Variants in CP observed in about 807,000 individuals in gnomAD.
The protein encoded by CP is caeruloplasmin.
CP carries 64 observed loss-of-function variants against 122.4 expected under a neutral mutation model. That is an observed-to-expected ratio of 0.52 (90% CI 0.43 to 0.64). CP has a LOEUF of 0.64. Ranked by LOEUF, CP falls within the 30% of genes least tolerant of loss-of-function variation. The pLI, the probability that CP is intolerant of heterozygous loss-of-function variation, is 0.00. For missense variants in CP, 1,167 were observed against 1,284.4 expected (o/e 0.91, Z 1.40); for synonymous variants, 440 against 436.4 (o/e 1.01, Z -0.10).
intron 14 of CP, among the ~76,000 whole-genome samples, chr3:149,181,005 C>T (rs953953817): frequency 1.3e-5 from 2 of 151,356 alleles, no homozygotes; most frequent in Non-Finnish European, 2.9e-5. Flanking sequence ...TTCCAAATCT[C>T]GATGATGATG....
intron 1 of CP, among the ~76,000 whole-genome samples, chr3:149,216,883 G>T (rs1435893873): frequency 6.6e-6 from 1 of 150,760 alleles, no homozygotes; most frequent in African/African-American, 2.4e-5. Context: ...GAAGTGTACT[G>T]CACTAGCTAT....
chr3:149,219,816 G>A (rs1728694236), intron 1 of CP, among the ~76,000 whole-genome samples: 1 of 152,008 alleles, frequency 6.6e-6, no homozygotes, highest in South Asian at 2.1e-4. Context: ...ATAGCAAGAT[G>A]TGGGAAAGTT....
chr3:149,217,171 T>C (rs1371803862), intron 1 of CP, among the ~76,000 whole-genome samples: 1 of 152,174 alleles, frequency 6.6e-6, no homozygotes, highest in East Asian at 1.9e-4. Context: ...AGTGCTGGGA[T>C]TACAGGTGTG....
intron 5 of CP, among the ~76,000 whole-genome samples, chr3:149,164,422 G>A (rs1295852238): frequency 6.6e-6 from 1 of 152,174 alleles, no homozygotes; most frequent in African/African-American, 2.4e-5. Flanking sequence ...AAATGAGGGG[G>A]ATGATTAGAG....
At chr3:149,170,410 G>A (rs1724857838), downstream of CP, 1 of 152,208 alleles carries the variant, frequency 6.6e-6, no homozygotes, top group South Asian at 2.1e-4. Context: ...TTGCAAGCTA[G>A]TTAGTAGTTG....
chr3:149,188,425 C>T (rs752925522), intron 9 of CP, among the ~76,000 whole-genome samples: 1 of 137,134 alleles, frequency 7.3e-6, no homozygotes, highest in Non-Finnish European at 1.5e-5. Flanking sequence ...ATCTGAGTCT[C>T]TCTCTGCATC....
intron 4 of CP, among the ~76,000 whole-genome samples, chr3:149,166,682 G>A (rs887067747): frequency 3.9e-5 from 6 of 152,022 alleles, no homozygotes; most frequent in Admixed American, 3.9e-4. Context: ...GAATACTCTT[G>A]CGGTGAACAT....
downstream of CP, chr3:149,171,956 C>T (rs1239692047): frequency 2.9e-5 from 19 of 663,932 alleles, no homozygotes; most frequent in Admixed American, 8.8e-5. Flanking sequence ...CTGCCCACCT[C>T]GGCCTCCCAA....
intron 1 of CP, among the ~76,000 whole-genome samples, 157 bp downstream of exon 1, chr3:149,221,490 G>A (rs1379716079): frequency 6.6e-6 from 1 of 152,038 alleles, no homozygotes; most frequent in African/African-American, 2.4e-5. Context: ...AAAATATACA[G>A]GAATATAAAG....
intron 2 of CP, among the ~76,000 whole-genome samples, chr3:149,210,953 A>G (rs1420757060): frequency 2.0e-5 from 3 of 152,202 alleles, no homozygotes; most frequent in African/African-American, 7.2e-5. Flanking sequence ...TTCCATTCAT[A>G]AATACTTGAG....
At chr3:149,166,066 T>A (rs1216154357) in intron 4 of CP, 11 of 454,526 alleles carry the variant, frequency 2.4e-5, no homozygotes, top group Non-Finnish European at 4.9e-5. Flanking sequence ...GCAAAAAGGG[T>A]ACAGGGACAA....
chr3:149,185,864 T>A lies in CP; in HGVS notation c.2078-418A>T, dbSNP rs180713698. Among the ~76,000 whole-genome samples the A allele has an allele frequency of 4.2e-4, 64 of 152,342 alleles. 1 individual carries two copies. The East Asian group carries it at 7.3e-3, about 17-fold the overall frequency. On this transcript the variant is annotated intron_variant, in intron 11 of 18. Transcript: ENST00000264613. The stretch of plus-strand genomic sequence containing the variant: ...TGTTGTCTGTCTCCCTGCATTAGAA[T>A]TTCAGCAGCATGAGACATCTTATCT...
chr3:149,207,942 TA>T (rs1374315144), intron 4 of CP, among the ~76,000 whole-genome samples: 1 of 152,194 alleles, frequency 6.6e-6, no homozygotes, highest in African/African-American at 2.4e-5. Flanking sequence ...TACATACATA[TA>T]AACAAAACAC....
intron 2 of CP, 113 bp downstream of exon 2, chr3:149,212,338 A>G (rs1374598573): frequency 5.4e-6 from 6 of 1,109,302 alleles, no homozygotes; most frequent in African/African-American, 3.2e-5. Flanking sequence ...AATAGTTAAG[A>G]GCTGAATGGC....
chr3:149,163,627 T>C (rs1207432249), intron 5 of CP, among the ~76,000 whole-genome samples: 2 of 152,214 alleles, frequency 1.3e-5, no homozygotes, highest in African/African-American at 4.8e-5. Context: ...GTATTTACAT[T>C]TTAAAATATA....
At chr3:149,205,849 G>A (rs1285787560) in intron 6 of CP, among the ~76,000 whole-genome samples, 1 of 152,178 alleles carries the variant, frequency 6.6e-6, no homozygotes, top group East Asian at 1.9e-4. Flanking sequence ...TAGTGTAACT[G>A]TACTTAATGC....
chr3:149,179,412 C>G, intron 15 of CP, 144 bp downstream of exon 15: 1 of 688,894 alleles, frequency 1.5e-6, no homozygotes, highest in Non-Finnish European at 2.6e-6. Context: ...TAGGTAGCAG[C>G]ATAGTTGCTA....
intron 4 of CP, chr3:149,166,907 C>G (rs1724481142): frequency 2.6e-6 from 2 of 756,532 alleles, no homozygotes; most frequent in Non-Finnish European, 4.7e-6. Context: ...TGCATGTGCT[C>G]TAATATGGCA....
At chr3:149,196,270 T>TCG (rs1726892789) in intron 9 of CP, among the ~76,000 whole-genome samples, 1 of 152,170 alleles carries the variant, frequency 6.6e-6, no homozygotes, top group Non-Finnish European at 1.5e-5. Context: ...CAGATACAAA[T>TCG]ATAAGATTGA....
Sources: allele counts gnomAD v4.1 joint callset (sites outside exome capture counted in the v4.1 genomes callset), GRCh38; gene constraint gnomAD v4.1.1; transcripts MANE v1.5; gene names NCBI Gene and HGNC (gene_info 2026-07-23, HGNC 2026-07-21).